RFTN1: variants seen among roughly 807,000 people sequenced by gnomAD.
RFTN1 encodes the protein raftlin, lipid raft linker 1.
In RFTN1, 26 loss-of-function variants were observed where a neutral mutation model predicts 46.5. That is an observed-to-expected ratio of 0.56 (90% confidence interval 0.41 to 0.78). RFTN1 has a LOEUF of 0.78. RFTN1 is among the 30% of genes least tolerant of loss of function. The pLI is 0.00. For synonymous variants in RFTN1, 261 were observed against 284.2 expected (o/e 0.92, Z 0.82); for missense variants, 693 against 718.7 (o/e 0.96, Z 0.41).
In RFTN1 at chr3:16,357,974, C is replaced by T. The variant is rs1473850051; in HGVS notation, c.1104G>A (p.Gln368=). ...GTTCAACCACAATAGCATCATAGCC[C>T]TGTATGGTTTTGCTATCTTCTGTGG... ...AVSTEDSKTI[Q]GYDAIVVEQW... Residue 368 remains glutamine (Q), a synonymous_variant, in exon 7 of 10, where the codon CAG becomes CAA. Transcript: ENST00000334133. The T allele has an allele frequency of 2.5e-6, 4 of 1,596,226 alleles. No individual in the cohort carries two copies. The highest frequency in any genetic ancestry group is 3.4e-6 in the Non-Finnish European group (4 of 1,171,456).
intron 4 of RFTN1, among the ~76,000 whole-genome samples, chr3:16,395,590 C>T (rs1163596898): frequency 1.3e-5 from 2 of 152,250 alleles, no homozygotes; most frequent in South Asian, 2.1e-4. Context: ...GGATTACAGA[C>T]ATGCACCACC....
In RFTN1 at chr3:16,493,613, T is replaced by G. The variant is rs1433903826; in HGVS notation, c.145+112A>C. 3.8e-6 allele frequency: 4 copies of G among 1,042,468 alleles called. No homozygotes were observed. The African/African-American group carries it at 6.4e-5, about 17-fold the overall frequency. 64.6% of individuals were successfully genotyped at this position (1,042,468 alleles called of 1,614,324 possible). On this transcript the variant is annotated intron_variant, in intron 2 of 9. Coordinates refer to ENST00000334133, the MANE Select transcript of RFTN1 (RefSeq NM_015150.2). ...CCCCCTTGAGACAGGCCTGCCCTTTTCATTTCTTCACAGCCCCCACCCCAT... is the reference window on the plus strand; with the variant it reads ...CCCCCTTGAGACAGGCCTGCCCTTTGCATTTCTTCACAGCCCCCACCCCAT...
intron 5 of RFTN1, 94 bp downstream of exon 5, chr3:16,377,624 T>A: frequency 6.6e-7 from 1 of 1,504,278 alleles, no homozygotes; most frequent in Non-Finnish European, 8.9e-7. Flanking sequence ...CACTCTAAAT[T>A]CCATTCCTTT....
chr3:16,455,603 A>G (rs574462224), intron 2 of RFTN1, among the ~76,000 whole-genome samples: 25 of 152,298 alleles, frequency 1.6e-4, no homozygotes, highest in East Asian at 1.5e-3. Context: ...CCAGTCATTT[A>G]TGGTCCTCAA....
rs1177179294 is a variant in RFTN1, at chr3:16,498,164, C to T, written c.-8-4287G>A. ...GTATGTTACATTAAACCAAATTTGG[C>T]TTGACGATGCCTCCATACTTGAGTC... On this transcript the variant is annotated intron_variant, in intron 1 of 9. Transcript: ENST00000334133. This position sits in a 1 kb window ranked among gnomAD's most constrained non-coding sequence, Gnocchi z 5.2. Among the ~76,000 whole-genome samples, 1 of 152,192 alleles carries T rather than the reference C, an allele frequency of 6.6e-6. No homozygotes were observed. The highest frequency in any genetic ancestry group is 6.5e-5 in the Admixed American group (1 of 15,280).
intron 4 of RFTN1, among the ~76,000 whole-genome samples, chr3:16,393,954 C>T (rs191349108): frequency 2.5e-4 from 38 of 152,182 alleles, no homozygotes; most frequent in Admixed American, 4.6e-4. Flanking sequence ...CCACCGCACC[C>T]GGCCAGACTT....
Position 16,376,932 on chromosome 3 carries a change from G to GA in RFTN1, c.826+785dup, listed in dbSNP as rs1246822398. ...CAATATTAACCAGGGAGATCATCCAGAAAGGCCTAAACAGAAAGCCCTCCT... is the reference window on the plus strand; with the variant it reads ...CAATATTAACCAGGGAGATCATCCAGAAAAGGCCTAAACAGAAAGCCCTCCT... On this transcript the variant is annotated intron_variant, in intron 5 of 9. Coordinates refer to ENST00000334133, the MANE Select transcript of RFTN1 (RefSeq NM_015150.2). The surrounding 1 kb of genome is among the most constrained non-coding windows in gnomAD (Gnocchi z 4.7). Among the ~76,000 whole-genome samples, 1 of 152,078 alleles carries GA rather than the reference G, an allele frequency of 6.6e-6. No individual in the cohort carries two copies. The highest frequency in any genetic ancestry group is 6.5e-5 in the Admixed American group (1 of 15,286).
chr3:16,365,378 C>G (rs1341101122), intron 6 of RFTN1, among the ~76,000 whole-genome samples: 1 of 151,584 alleles, frequency 6.6e-6, no homozygotes, highest in African/African-American at 2.4e-5. Context: ...TAAGAAAGTA[C>G]AAAAAGTAGG....
Position 16,334,561 on chromosome 3 carries a change from A to T in RFTN1, c.1147-7685T>A, listed in dbSNP as rs747524305. On this transcript the variant is annotated intron_variant, in intron 7 of 9. Coordinates refer to ENST00000334133, the MANE Select transcript of RFTN1 (RefSeq NM_015150.2). This position sits in a 1 kb window ranked among gnomAD's most constrained non-coding sequence, Gnocchi z 4.3. ...GTTTCACCCAGACAACAGCTCAGAG[A>T]ACTGGGCAATGGCTGCTCATGTGTT... Among the ~76,000 whole-genome samples, 1 of 152,182 alleles carries T rather than the reference A, an allele frequency of 6.6e-6. No individual in the cohort carries two copies. Among genetic ancestry groups the T allele is most frequent in the African/African-American group, 2.4e-5 (1 of 41,440 alleles).
chr3:16,377,599 G>A (rs1190131799), intron 5 of RFTN1, 119 bp downstream of exon 5: 6 of 1,452,018 alleles, frequency 4.1e-6, no homozygotes, highest in Non-Finnish European at 5.5e-6. Flanking sequence ...CCTGTTTGAT[G>A]GACTGCTGTC....
At chr3:16,401,890 C>CA (rs769772031) in intron 4 of RFTN1, among the ~76,000 whole-genome samples, 1 of 152,222 alleles carries the variant, frequency 6.6e-6, no homozygotes, top group South Asian at 2.1e-4. Context: ...AGCGGAGGCT[C>CA]AGTGGAAACT....
At position 16,374,676 on chromosome 3, in the gene RFTN1, A is replaced by G. The variant is rs1045357653; in HGVS notation, c.826+3042T>C. ...TTTTGGTGACGGTGAGAATGATTAGAATTTTCGTGAACCTGTCTAGCCTCC... is the reference window on the plus strand; with the variant it reads ...TTTTGGTGACGGTGAGAATGATTAGGATTTTCGTGAACCTGTCTAGCCTCC... On this transcript the variant is annotated intron_variant, in intron 5 of 9. Coordinates refer to ENST00000334133, the MANE Select transcript of RFTN1 (RefSeq NM_015150.2). The surrounding 1 kb of genome is among the most constrained non-coding windows in gnomAD (Gnocchi z 5.4). 2.0e-5 allele frequency among the ~76,000 whole-genome samples: 3 copies of G among 152,098 alleles called. No homozygotes were observed. The highest frequency in any genetic ancestry group is 7.2e-5 in the African/African-American group (3 of 41,400).
chr3:16,508,696 G>A (rs2217352), intron 1 of RFTN1, among the ~76,000 whole-genome samples: 777 of 65,786 alleles, frequency 0.012, 20 homozygotes, highest in African/African-American at 0.033. Flanking sequence ...TCACACGCAC[G>A]CACACACACA....
In RFTN1 at chr3:16,316,045, C is replaced by T. The variant is rs2068356631; in HGVS notation, c.*783G>A. On this transcript the variant is annotated 3_prime_UTR_variant, in exon 10 of 10. Transcript: ENST00000334133. The surrounding 1 kb of genome is among the most constrained non-coding windows in gnomAD (Gnocchi z 4.5). ...GGGTAACAACTTGACCAATGTTACA[C>T]TGATTAAAATAGCACATAACAAGGG... The T allele has an allele frequency of 1.3e-5, 2 of 152,718 alleles. No homozygotes were observed. Among genetic ancestry groups the T allele is most frequent in the African/African-American group, 4.8e-5 (2 of 41,570 alleles). The allele number at this position is 152,718 out of a possible 1,614,324, so 9.5% of individuals were successfully genotyped here.
In RFTN1 at chr3:16,384,648, A is replaced by G. The variant is rs1340094974; in HGVS notation, c.442-6546T>C. 1.3e-5 allele frequency among the ~76,000 whole-genome samples: 2 copies of G among 152,380 alleles called. No homozygotes were observed. The highest frequency in any genetic ancestry group is 2.9e-5 in the Non-Finnish European group (2 of 68,040). On this transcript the variant is annotated intron_variant, in intron 4 of 9. Transcript: ENST00000334133. This position sits in a 1 kb window ranked among gnomAD's most constrained non-coding sequence, Gnocchi z 4.7. ...TAATAAACTTAATGAAATGCCTGTA[A>G]CTAATGAGCTAATTAATGCTGGGAA...
At position 16,445,043 on chromosome 3, in the gene RFTN1, T is replaced by C. The variant is rs543020072; in HGVS notation, c.146-11006A>G. ...CTTGATTTTCTCAATTAGCCTATGG[T>C]AAAATTGGTTTCATTACACACTGTT... On this transcript the variant is annotated intron_variant, in intron 2 of 9. Transcript: ENST00000334133. Among the ~76,000 whole-genome samples, 8 of 152,330 alleles carry C rather than the reference T, an allele frequency of 5.3e-5. No homozygotes were observed. In the South Asian group the frequency reaches 8.3e-4, roughly 16 times the overall value.
intron 7 of RFTN1, among the ~76,000 whole-genome samples, chr3:16,330,296 A>G (rs1215911895): frequency 1.3e-5 from 2 of 152,220 alleles, no homozygotes; most frequent in Non-Finnish European, 2.9e-5. Context: ...TGGCTTAATT[A>G]ATGTTAAATG....
chr3:16,505,176 T>C (rs1199651534), intron 1 of RFTN1, among the ~76,000 whole-genome samples: 1 of 152,224 alleles, frequency 6.6e-6, no homozygotes, highest in African/African-American at 2.4e-5. Context: ...TCAAAGAGCA[T>C]AATCACATCT....
rs1293312366 is a variant in RFTN1 at position 16,508,692 on chromosome 3, GCA to G, written c.-9+4748_-9+4749del. 3.9e-3 allele frequency among the ~76,000 whole-genome samples: 344 copies of G among 87,774 alleles called. 3 individuals are homozygous for G. The highest frequency in any genetic ancestry group is 0.014 in the African/African-American group (322 of 23,658). 57.6% of individuals were successfully genotyped at this position (87,774 alleles called of 152,430 possible). On this transcript the variant is annotated intron_variant, in intron 1 of 9. Coordinates refer to ENST00000334133, the MANE Select transcript of RFTN1 (RefSeq NM_015150.2). Reference sequence around the variant, plus strand: ...ATGTGAATGGAAGGAAAGATCACACGCACGCACACACACACACACACACACAC... The same window carrying G: ...ATGTGAATGGAAGGAAAGATCACACGCGCACACACACACACACACACACAC...
Sources: gnomAD v4.1 joint callset for allele counts (sites outside exome capture counted in the v4.1 genomes callset) on GRCh38, gnomAD v4.1.1 for gene constraint, Gnocchi (gnomAD v3.1) non-coding constraint, MANE v1.5 for transcripts, NCBI Gene and HGNC (gene_info 2026-07-23, HGNC 2026-07-21) for gene names.